Variants in NKTR observed in about 807,000 individuals in gnomAD.
NKTR encodes NK-tumor recognition protein.
In NKTR, 67 loss-of-function variants were observed where a neutral mutation model predicts 156.3. The ratio of observed to expected loss-of-function variants is 0.43; its 90% confidence interval spans 0.35 to 0.53. NKTR has a LOEUF of 0.53. NKTR is among the 20% of genes least tolerant of loss of function. The pLI is 0.01. For synonymous variants in NKTR, 640 were observed against 596.6 expected (o/e 1.07, Z -1.06); for missense variants, 1,604 against 1,730.9 (o/e 0.93, Z 1.30).
Position 42,643,381 on chromosome 3 carries a change from C to CCA in NKTR, c.4188_4189dup (p.Ser1397ThrfsTer79). The stretch of plus-strand genomic sequence containing the variant: ...GATCCAGGAGCAGCTCATATGATCC[C>CCA]CACAGTCGATCCAGGTATGAACAGG... On this transcript the variant is annotated frameshift_variant, in exon 15 of 17. Coordinates refer to ENST00000232978, the MANE Select transcript of NKTR (RefSeq NM_005385.4). LOFTEE classifies it high-confidence loss of function. The CCA allele has an allele frequency of 6.2e-7, 1 of 1,613,966 alleles. No homozygotes were observed. The highest frequency in any genetic ancestry group is 8.5e-7 in the Non-Finnish European group (1 of 1,179,888).
At chr3:42,605,618 A>G (rs1310145444) in intron 2 of NKTR, among the ~76,000 whole-genome samples, 1 of 152,186 alleles carries the variant, frequency 6.6e-6, no homozygotes, top group African/African-American at 2.4e-5. Context: ...AATTAAACTA[A>G]ACTTTAGACT....
chr3:42,630,623 C>A, intron 7 of NKTR, 48 bp downstream of exon 7: 2 of 1,611,522 alleles, frequency 1.2e-6, no homozygotes, highest in Non-Finnish European at 1.7e-6. Context: ...GGGTGGCCAG[C>A]CATAAAGAGA....
intron 6 of NKTR, among the ~76,000 whole-genome samples, chr3:42,623,218 T>G (rs552825438): frequency 6.6e-6 from 1 of 152,182 alleles, no homozygotes; most frequent in African/African-American, 2.4e-5. Context: ...TGAGAAGGAA[T>G]GCCAAATACA....
At chr3:42,624,919 A>C (rs1708236571) in intron 6 of NKTR, among the ~76,000 whole-genome samples, 1 of 152,190 alleles carries the variant, frequency 6.6e-6, no homozygotes, top group Non-Finnish European at 1.5e-5. Flanking sequence ...AGATTGAGTA[A>C]ATAGTTTATA....
chr3:42,601,119 G>C, intron 2 of NKTR, 55 bp downstream of exon 2: 1 of 1,448,696 alleles, frequency 6.9e-7, no homozygotes, highest in South Asian at 1.3e-5. Context: ...TGGCGAAGGG[G>C]AGGGGTCTAC....
At position 42,619,073 on chromosome 3, in the gene NKTR, A is replaced by G; in HGVS notation, c.187A>G (p.Thr63Ala). The change falls in exon 4 of 17, where the codon ACG (threonine) becomes GCG (alanine). Residue 63 changes from threonine (T) to alanine (A), a missense_variant. Physicochemically the swap from Thr to Ala is moderately conservative, Grantham distance 58 (BLOSUM62 0). Coordinates refer to ENST00000232978, the MANE Select transcript of NKTR (RefSeq NM_005385.4). ...TGKKLCYKGS[T>A]FHRVVKNFMI... ...GAAGAAGTTATGTTATAAAGGTTCT[A>G]CGTTCCATCGTGTGGTTAAAAACTT... 2 of 1,609,282 alleles carry G rather than the reference A, an allele frequency of 1.2e-6. No homozygotes were observed. Among genetic ancestry groups the G allele is most frequent in the Non-Finnish European group, 1.7e-6 (2 of 1,178,430 alleles).
chr3:42,607,862 T>A (rs747425320), intron 2 of NKTR, among the ~76,000 whole-genome samples: 3 of 152,002 alleles, frequency 2.0e-5, no homozygotes, highest in Non-Finnish European at 4.4e-5. Flanking sequence ...AATTTGATTC[T>A]GGACACTATC....
Position 42,648,482 on chromosome 3 carries a change from A to AG in NKTR, c.*2511dup, listed in dbSNP as rs1710489833. The stretch of plus-strand genomic sequence containing the variant: ...CTACAGAAATAGCTTTTCTTCCTAA[A>AG]GGGGATTGTTCTACATTTTGAAGTT... On this transcript the variant is annotated 3_prime_UTR_variant, in exon 17 of 17. Coordinates refer to ENST00000232978, the MANE Select transcript of NKTR (RefSeq NM_005385.4). The AG allele has an allele frequency of 6.6e-6, 1 of 152,492 alleles. No homozygotes were observed. Among genetic ancestry groups the AG allele is most frequent in the Non-Finnish European group, 1.5e-5 (1 of 68,040 alleles). 9.4% of individuals were successfully genotyped at this position (152,492 alleles called of 1,614,324 possible). A position where few individuals can be genotyped will look rare whatever the true frequency, so the allele number is the denominator to read the frequency against.
chr3:42,647,293 TGTGTGTGTGG>T lies in NKTR; in HGVS notation c.*1319_*1328del, dbSNP rs1479626247. ...GTGTGTGTGTGTGTGTGTGTGTGTGTGTGTGTGTGGTTTTTTTTTTTAATCTTTACTTTGA... is the reference window on the plus strand; with the variant it reads ...GTGTGTGTGTGTGTGTGTGTGTGTGTTTTTTTTTTTTAATCTTTACTTTGA... On this transcript the variant is annotated 3_prime_UTR_variant, in exon 17 of 17. Transcript: ENST00000232978. The T allele has an allele frequency of 1.4e-4, 16 of 113,354 alleles. No homozygotes were observed. The highest frequency in any genetic ancestry group is 8.1e-4 in the African/African-American group (16 of 19,686). 7.0% of individuals were successfully genotyped at this position (113,354 alleles called of 1,614,324 possible).
At chr3:42,621,387 CTT>C (rs1707889150) in intron 5 of NKTR, 40 bp from the exon 6 acceptor site, 4 of 1,581,024 alleles carry the variant, frequency 2.5e-6, no homozygotes, top group Non-Finnish European at 3.4e-6. Flanking sequence ...TTTAAAGTGA[CTT>C]ATAATTGGAG....
Position 42,615,971 on chromosome 3 carries a change from T to A in NKTR, c.59-1599T>A, listed in dbSNP as rs188617634. Among the ~76,000 whole-genome samples, 4 of 152,298 alleles carry A rather than the reference T, an allele frequency of 2.6e-5. No homozygotes were observed. The East Asian group carries it at 7.7e-4, about 29-fold the overall frequency. The stretch of plus-strand genomic sequence containing the variant: ...GTCTTTTTCTTCATTCCCTTAGGTT[T>A]TAAGAACAGCTACAAAGTTTTGAAA... On this transcript the variant is annotated intron_variant, in intron 2 of 16. Transcript: ENST00000232978.
chr3:42,635,677 TG>T (rs1273076376), intron 12 of NKTR, among the ~76,000 whole-genome samples: 1 of 152,164 alleles, frequency 6.6e-6, no homozygotes, highest in East Asian at 1.9e-4. Flanking sequence ...CCCAGCACTT[TG>T]GGAGGCCGAG....
intron 12 of NKTR, among the ~76,000 whole-genome samples, chr3:42,635,906 T>G (rs1709358799): frequency 6.9e-6 from 1 of 145,468 alleles, no homozygotes; most frequent in African/African-American, 2.5e-5. Flanking sequence ...AGACTCCGTC[T>G]CAAAAAAAAA....
intron 9 of NKTR, chr3:42,633,097 T>C: frequency 1.1e-6 from 1 of 871,154 alleles, no homozygotes; most frequent in Non-Finnish European, 1.5e-6. Flanking sequence ...TGGAATACAG[T>C]GGCACAATTA....
At chr3:42,624,024 T>G (rs140175180) in intron 6 of NKTR, among the ~76,000 whole-genome samples, 1 of 152,136 alleles carries the variant, frequency 6.6e-6, no homozygotes, top group Non-Finnish European at 1.5e-5. Context: ...AGGATTCTTA[T>G]GTTTTGTGCA....
chr3:42,637,904 G>C lies in NKTR; in HGVS notation c.2200G>C (p.Asp734His). 1.9e-6 allele frequency: 3 copies of C among 1,614,034 alleles called. No homozygotes were observed. Among genetic ancestry groups the C allele is most frequent in the Non-Finnish European group, 2.5e-6 (3 of 1,179,990 alleles). Residue 734 changes from aspartate (D) to histidine (H), a missense_variant, in exon 13 of 17, where the codon GAT becomes CAT. By Grantham distance (81) the Asp-to-His change is moderately conservative. Coordinates refer to ENST00000232978, the MANE Select transcript of NKTR (RefSeq NM_005385.4). ...SRSHSRNKYS[D>H]HSQCSRSSSY... ...ATCTCATTCACGAAATAAATACAGT[G>C]ATCATTCACAGTGTAGTAGATCATC...
intron 5 of NKTR, chr3:42,620,710 T>G (rs970836554): frequency 2.9e-5 from 29 of 984,672 alleles, no homozygotes; most frequent in Non-Finnish European, 3.4e-5. Context: ...ATCACAGATT[T>G]TTTTTTCCTT....
At chr3:42,628,131 T>C (rs1708568596) in intron 6 of NKTR, 3 of 983,136 alleles carry the variant, frequency 3.1e-6, no homozygotes, top group Non-Finnish European at 3.6e-6. Context: ...TAAATACTTT[T>C]AGTATTCTTA....
chr3:42,617,284 A>T (rs1292341195), intron 2 of NKTR, among the ~76,000 whole-genome samples: 1 of 152,234 alleles, frequency 6.6e-6, no homozygotes, highest in Non-Finnish European at 1.5e-5. Context: ...AGGGAACTAT[A>T]CTACGAGGAA....
Sources: allele counts gnomAD v4.1 joint callset (sites outside exome capture counted in the v4.1 genomes callset), GRCh38; gene constraint gnomAD v4.1.1; transcripts MANE v1.5; gene names NCBI Gene and HGNC (gene_info 2026-07-23, HGNC 2026-07-21).